Variants in SCFD2 observed in about 807,000 individuals in gnomAD.
The protein encoded by SCFD2 is sec1 family domain containing 2.
SCFD2 carries 54 observed loss-of-function variants against 58.9 expected under a neutral mutation model. The observed-to-expected ratio is 0.92, with a 90% CI of 0.74 to 1.15. The LOEUF (loss-of-function observed/expected upper bound fraction) is 1.15, where lower values mean the gene tolerates loss of function less well. Ranked by LOEUF, SCFD2 falls within the 50% of genes most tolerant of loss-of-function variation. The pLI is 0.00. For missense variants in SCFD2, 805 were observed against 836.6 expected (o/e 0.96, Z 0.47); for synonymous variants, 321 against 335.9 (o/e 0.96, Z 0.49).
At chr4:53,308,189 A>G (rs1732574984) in intron 3 of SCFD2, among the ~76,000 whole-genome samples, 1 of 152,256 alleles carries the variant, frequency 6.6e-6, no homozygotes, top group Admixed American at 6.5e-5. Flanking sequence ...GGAGCATTAA[A>G]TGAAACAAAC....
intron 2 of SCFD2, among the ~76,000 whole-genome samples, chr4:53,329,650 C>A (rs1356202528): frequency 6.6e-6 from 1 of 152,180 alleles, no homozygotes; most frequent in African/African-American, 2.4e-5. Flanking sequence ...TGGAAAAAAA[C>A]AGAACAGAAA....
At chr4:53,361,923 C>T (rs1270069400) in intron 1 of SCFD2, among the ~76,000 whole-genome samples, 2 of 151,978 alleles carry the variant, frequency 1.3e-5, no homozygotes, top group Non-Finnish European at 2.9e-5. Context: ...ACCTTTAATC[C>T]ACTCATTTAT....
chr4:53,251,086 C>T (rs1730355538), intron 4 of SCFD2, among the ~76,000 whole-genome samples: 1 of 152,200 alleles, frequency 6.6e-6, no homozygotes, highest in African/African-American at 2.4e-5. Context: ...AAACTACCAT[C>T]AGATAATACT....
At chr4:53,109,950 G>T (rs552035085) in intron 5 of SCFD2, among the ~76,000 whole-genome samples, 1 of 152,088 alleles carries the variant, frequency 6.6e-6, no homozygotes, top group East Asian at 1.9e-4. Context: ...TAAATCTGGA[G>T]GTATCACACT....
At chr4:53,362,277 G>A (rs561695049) in intron 1 of SCFD2, among the ~76,000 whole-genome samples, 15 of 152,282 alleles carry the variant, frequency 9.9e-5, no homozygotes, top group African/African-American at 3.6e-4. Context: ...TGCTTAGCAT[G>A]TCTGACAATG....
At chr4:53,007,403 A>AAGGAAGGAAGGAAGGAAGGAAGGAAGGT (rs1271004954) in intron 5 of SCFD2, among the ~76,000 whole-genome samples, 1 of 116,730 alleles carries the variant, frequency 8.6e-6, no homozygotes, top group African/African-American at 3.5e-5. Flanking sequence ...GGAAGGAAGG[A>AAGGAAGGAAGGAAGGAAGGAAGGAAGGT]AGGGAGGGAG....
intron 6 of SCFD2, among the ~76,000 whole-genome samples, chr4:52,911,775 C>G (rs1338708362): frequency 6.6e-6 from 1 of 152,222 alleles, no homozygotes; most frequent in Admixed American, 6.5e-5. Flanking sequence ...TATTGTCTCT[C>G]AATTCCAAAC....
intron 4 of SCFD2, among the ~76,000 whole-genome samples, chr4:53,232,890 A>G (rs2149009928): frequency 6.6e-6 from 1 of 152,304 alleles, no homozygotes; most frequent in South Asian, 2.1e-4. Context: ...AAGAATGAGA[A>G]GAACAGAGGG....
intron 5 of SCFD2, among the ~76,000 whole-genome samples, chr4:52,954,761 C>T (rs1720672136): frequency 6.6e-6 from 1 of 152,140 alleles, no homozygotes; most frequent in Admixed American, 6.5e-5. Context: ...TCCTTTAGCA[C>T]AAACATTAGC....
chr4:53,044,594 CT>C (rs1722981847), intron 5 of SCFD2, among the ~76,000 whole-genome samples: 1 of 133,286 alleles, frequency 7.5e-6, no homozygotes, highest in African/African-American at 2.9e-5. Context: ...TTCCCCTTCT[CT>C]TTCTCCTTCC....
intron 2 of SCFD2, among the ~76,000 whole-genome samples, chr4:53,340,518 G>C (rs1210612450): frequency 6.6e-6 from 1 of 152,234 alleles, no homozygotes; most frequent in Non-Finnish European, 1.5e-5. Context: ...TGCCTCTGTA[G>C]ACTCCACCTC....
At chr4:53,095,383 C>T (rs888057230) in intron 5 of SCFD2, among the ~76,000 whole-genome samples, 13 of 149,800 alleles carry the variant, frequency 8.7e-5, no homozygotes, top group Admixed American at 3.4e-4. Flanking sequence ...ACATCTAATC[C>T]TCCAGAGAAT....
intron 5 of SCFD2, chr4:52,950,723 G>C (rs1283735106): frequency 6.6e-6 from 1 of 152,106 alleles, no homozygotes; most frequent in Non-Finnish European, 1.5e-5. Context: ...GGAGTTTAAA[G>C]AGACTTGGGG....
chr4:52,939,937 C>A (rs538357934), intron 5 of SCFD2, among the ~76,000 whole-genome samples: 100 of 152,298 alleles, frequency 6.6e-4, no homozygotes, highest in African/African-American at 2.3e-3. Context: ...CCTGTGAAAA[C>A]CAAGAGAAGC....
At chr4:53,120,397 A>T (rs1384163173) in intron 5 of SCFD2, among the ~76,000 whole-genome samples, 1 of 152,242 alleles carries the variant, frequency 6.6e-6, no homozygotes, top group Non-Finnish European at 1.5e-5. Flanking sequence ...AACTTAAGCC[A>T]CAGCAATGAG....
chr4:53,283,519 C>T (rs1731569723), intron 3 of SCFD2, among the ~76,000 whole-genome samples: 1 of 152,128 alleles, frequency 6.6e-6, no homozygotes, highest in South Asian at 2.1e-4. Flanking sequence ...TTACTTGATA[C>T]TGTCAGTTTT....
intron 4 of SCFD2, among the ~76,000 whole-genome samples, chr4:53,151,584 G>A (rs1289902672): frequency 2.6e-5 from 4 of 152,176 alleles, no homozygotes; most frequent in Admixed American, 6.5e-5. Context: ...TTTATTCCAC[G>A]TGGCTGCAGA....
At chr4:53,301,375 A>G (rs1041349873) in intron 3 of SCFD2, among the ~76,000 whole-genome samples, 4 of 152,116 alleles carry the variant, frequency 2.6e-5, no homozygotes, top group Admixed American at 6.5e-5. Context: ...TCCTCAACAC[A>G]TACACTCTCC....
chr4:53,216,362 G>A (rs1477748742), intron 4 of SCFD2, among the ~76,000 whole-genome samples: 1 of 152,008 alleles, frequency 6.6e-6, no homozygotes, highest in Non-Finnish European at 1.5e-5. Flanking sequence ...ACTTCTTCCT[G>A]GTTTAGTCTT....
Sources: gnomAD v4.1 joint callset for allele counts (sites outside exome capture counted in the v4.1 genomes callset) on GRCh38, gnomAD v4.1.1 for gene constraint, MANE v1.5 for transcripts, NCBI Gene and HGNC (gene_info 2026-07-23, HGNC 2026-07-21) for gene names.